Variants in CDH23 observed in about 807,000 individuals in gnomAD.
CDH23 encodes the protein cadherin-23.
A neutral mutation model predicts 317.1 loss-of-function variants in CDH23; 189 were observed. The ratio of observed to expected loss-of-function variants is 0.60; its 90% confidence interval spans 0.53 to 0.67. The LOEUF (loss-of-function observed/expected upper bound fraction) is 0.67. Ranked by LOEUF, CDH23 falls within the 30% of genes least tolerant of loss-of-function variation. The pLI, the probability that CDH23 is intolerant of heterozygous loss-of-function variation, is 0.00. For synonymous variants in CDH23, 1,839 were observed against 1,876.8 expected, an observed-to-expected ratio of 0.98 and a Z score of 0.52; for missense variants, 4,401 against 4,592.4, an observed-to-expected ratio of 0.96 and a Z score of 1.20.
intron 3 of CDH23, among the ~76,000 whole-genome samples, chr10:71,495,866 T>A (rs563650390): frequency 6.6e-6 from 1 of 150,506 alleles, no homozygotes; most frequent in East Asian, 1.9e-4. Context: ...AGAAAAATCT[T>A]AAATTTCTAG....
intron 3 of CDH23, among the ~76,000 whole-genome samples, chr10:71,477,653 T>A (rs1026987915): frequency 6.6e-6 from 1 of 152,200 alleles, no homozygotes; most frequent in African/African-American, 2.4e-5. Flanking sequence ...GCCCTGCATC[T>A]TACTCGAGAC....
intron 9 of CDH23, among the ~76,000 whole-genome samples, chr10:71,593,966 A>G (rs10823795): frequency 0.7 from 105,890 of 152,046 alleles, 37,241 homozygotes; most frequent in African/African-American, 0.78. Context: ...GGGTGTGGTA[A>G]CCCATGCCTG....
chr10:71,510,857 G>A, intron 4 of CDH23, 97 bp from the exon 5 acceptor site: 1 of 1,206,274 alleles, frequency 8.3e-7, no homozygotes, highest in Non-Finnish European at 1.2e-6. Flanking sequence ...CAAGCTCCTA[G>A]GGCAATCCTG....
At chr10:71,540,901 T>C (rs926876771) in intron 6 of CDH23, among the ~76,000 whole-genome samples, 24 of 151,934 alleles carry the variant, frequency 1.6e-4, no homozygotes, top group African/African-American at 5.3e-4. Flanking sequence ...TTTGGGTGAA[T>C]GGGTCTCTCT....
intron 11 of CDH23, 106 bp downstream of exon 11, chr10:71,617,499 G>A (rs762203091): frequency 8.7e-5 from 132 of 1,522,124 alleles, no homozygotes; most frequent in African/African-American, 3.2e-4. Context: ...CAAACATTGC[G>A]GCACCCCACT....
intron 18 of CDH23, among the ~76,000 whole-genome samples, chr10:71,684,630 G>A (rs377260080): frequency 6.6e-6 from 1 of 152,216 alleles, no homozygotes; most frequent in African/African-American, 2.4e-5. Context: ...GCTGAAATGG[G>A]ATTGTGCAGG....
In CDH23 at chr10:71,709,135, C is replaced by T. The variant is rs372927470; in HGVS notation, c.3144C>T (p.Arg1048=). The T allele has an allele frequency of 2.5e-6, 4 of 1,613,976 alleles. No individual in the cohort carries two copies. The highest frequency in any genetic ancestry group is 1.7e-5 in the Admixed American group (1 of 60,034). The change falls in exon 27 of 70, where the codon CGC becomes CGT. Residue 1048 remains arginine (R), a synonymous_variant. Coordinates refer to ENST00000224721, the MANE Select transcript of CDH23 (RefSeq NM_022124.6). ...ATGGGAAGTTCAGCGTGGGTTACCGCGATGCCGTTGTGAGAACCGTGGTGG... is the reference window on the plus strand; with the variant it reads ...ATGGGAAGTTCAGCGTGGGTTACCGTGATGCCGTTGTGAGAACCGTGGTGG... ...NVDGKFSVGY[R]DAVVRTVVGL... is the part of the protein sequence containing the mutation.
chr10:71,803,111 G>A (rs771603484), intron 54 of CDH23, 36 bp downstream of exon 54: 9 of 1,601,844 alleles, frequency 5.6e-6, no homozygotes, highest in Non-Finnish European at 4.3e-6. Flanking sequence ...TGATGTCTTG[G>A]GGGGTGGGAG....
chr10:71,536,208 G>T (rs1855691918), intron 6 of CDH23, among the ~76,000 whole-genome samples: 1 of 152,268 alleles, frequency 6.6e-6, no homozygotes, highest in Non-Finnish European at 1.5e-5. Context: ...TGTAGGTGCT[G>T]ACAGGCCTCT....
intron 38 of CDH23, among the ~76,000 whole-genome samples, chr10:71,763,442 C>T (rs1013339860): frequency 6.6e-6 from 1 of 152,222 alleles, no homozygotes; most frequent in Admixed American, 6.5e-5. Flanking sequence ...TGCCCAGAAC[C>T]AATATAATGC....
intron 14 of CDH23, among the ~76,000 whole-genome samples, chr10:71,652,893 G>A (rs1460417956): frequency 6.6e-6 from 1 of 152,192 alleles, no homozygotes; most frequent in Non-Finnish European, 1.5e-5. Context: ...GGCCTTCTGG[G>A]TTGGTGAGGC....
intron 31 of CDH23, among the ~76,000 whole-genome samples, chr10:71,730,863 G>A (rs1046305851): frequency 2.0e-5 from 3 of 152,222 alleles, no homozygotes; most frequent in South Asian, 2.1e-4. Context: ...GTCCAGCTCC[G>A]TCATCCCAGG....
chr10:71,752,617 G>A (rs956238788), intron 38 of CDH23, among the ~76,000 whole-genome samples: 1 of 152,142 alleles, frequency 6.6e-6, no homozygotes, highest in Non-Finnish European at 1.5e-5. Flanking sequence ...AGTTCTCTGC[G>A]GGCAGGAGGC....
intron 3 of CDH23, among the ~76,000 whole-genome samples, chr10:71,496,962 G>A (rs1328924194): frequency 6.6e-6 from 1 of 152,150 alleles, no homozygotes; most frequent in Admixed American, 6.5e-5. Context: ...GCCTCGTAGT[G>A]GAGAGTCATC....
intron 69 of CDH23, among the ~76,000 whole-genome samples, chr10:71,813,843 G>A (rs961572893): frequency 6.6e-6 from 1 of 152,154 alleles, no homozygotes; most frequent in Admixed American, 6.5e-5. Context: ...AGGAGGCGGA[G>A]GTTGAAGTGA....
intron 28 of CDH23, chr10:71,713,348 G>C: frequency 1.3e-6 from 1 of 763,756 alleles, no homozygotes; most frequent in Non-Finnish European, 2.4e-6. Context: ...CCACACCTCT[G>C]CCCAGAGGCC....
chr10:71,411,618 C>A (rs747552760), intron 1 of CDH23, among the ~76,000 whole-genome samples: 30 of 152,002 alleles, frequency 2.0e-4, no homozygotes, highest in Non-Finnish European at 3.5e-4. Context: ...ATTGCAATGG[C>A]AAGGAGTTCT....
chr10:71,492,101 C>T (rs74148320), intron 3 of CDH23, among the ~76,000 whole-genome samples: 3,449 of 152,252 alleles, frequency 0.023, 130 homozygotes, highest in African/African-American at 0.079. Flanking sequence ...TGAAATTACT[C>T]GATGTTCAGG....
chr10:71,744,970 A>G (rs1163509582), intron 38 of CDH23, among the ~76,000 whole-genome samples: 2 of 152,278 alleles, frequency 1.3e-5, no homozygotes, highest in East Asian at 1.9e-4. Flanking sequence ...AAATATTGCT[A>G]TCATTTGGTT....
Sources: allele counts gnomAD v4.1 joint callset (sites outside exome capture counted in the v4.1 genomes callset), GRCh38; gene constraint gnomAD v4.1.1; transcripts MANE v1.5; gene names NCBI Gene and HGNC (gene_info 2026-07-23, HGNC 2026-07-21).